The following PAPSS2 variants were observed in gnomAD, a reference collection of about 807,000 sequenced individuals.
The protein encoded by PAPSS2 is 3'-phosphoadenosine 5'-phosphosulfate synthase 2, also known as bifunctional 3'-phosphoadenosine 5'-phosphosulfate synthase 2.
In PAPSS2, 61 loss-of-function variants were observed where a neutral mutation model predicts 66.5. That is an observed-to-expected ratio of 0.92 (90% CI 0.75 to 1.14). The LOEUF (loss-of-function observed/expected upper bound fraction) is 1.14. Among genes scored for constraint, PAPSS2 ranks in the 50% most tolerant of loss-of-function variants. The pLI is 0.00. For synonymous variants in PAPSS2, 289 were observed against 287.5 expected (o/e 1.01, Z -0.05); for missense variants, 708 against 789.6 (o/e 0.90, Z 1.24).
chr10:87,705,214 C>A (rs1433144375), intron 1 of PAPSS2, among the ~76,000 whole-genome samples: 1 of 152,144 alleles, frequency 6.6e-6, no homozygotes, highest in East Asian at 1.9e-4. Flanking sequence ...TTTGACTCAG[C>A]CTAATGTTTT....
At chr10:87,681,774 T>G (rs1331282251) in intron 1 of PAPSS2, among the ~76,000 whole-genome samples, 3 of 152,360 alleles carry the variant, frequency 2.0e-5, no homozygotes, top group African/African-American at 7.2e-5. Flanking sequence ...TTTTGGATGT[T>G]TCTTATAAAT....
At chr10:87,721,084 C>T (rs1279029521) in intron 7 of PAPSS2, among the ~76,000 whole-genome samples, 2 of 152,146 alleles carry the variant, frequency 1.3e-5, no homozygotes, top group African/African-American at 2.4e-5. Context: ...ATATCACCAG[C>T]ACTTATTGAG....
At chr10:87,675,374 A>G in intron 1 of PAPSS2, among the ~76,000 whole-genome samples, 1 of 152,250 alleles carries the variant, frequency 6.6e-6, no homozygotes, top group Non-Finnish European at 1.5e-5. Context: ...TGAATTTTCA[A>G]AACTTGGTAT....
At chr10:87,743,280 A>G in intron 10 of PAPSS2, 93 bp from the exon 11 acceptor site, 1 of 1,351,884 alleles carries the variant, frequency 7.4e-7, no homozygotes, top group East Asian at 2.3e-5. Flanking sequence ...ATGAATGCAC[A>G]GAACAATAAA....
intron 1 of PAPSS2, among the ~76,000 whole-genome samples, chr10:87,686,755 C>T (rs1853094652): frequency 6.6e-6 from 1 of 152,162 alleles, no homozygotes; most frequent in African/African-American, 2.4e-5. Context: ...TAAACCATCC[C>T]TTCTGATTAA....
chr10:87,733,399 C>A (rs961861392), intron 9 of PAPSS2, among the ~76,000 whole-genome samples: 17 of 152,056 alleles, frequency 1.1e-4, no homozygotes, highest in African/African-American at 4.1e-4. Context: ...TCCATGGCTC[C>A]CAGAGATTTG....
At chr10:87,710,474 A>G (rs1853450146) in intron 2 of PAPSS2, among the ~76,000 whole-genome samples, 1 of 152,166 alleles carries the variant, frequency 6.6e-6, no homozygotes, top group East Asian at 1.9e-4. Context: ...GTACAGCTGT[A>G]TTCTAGAAGA....
At chr10:87,704,160 TTGAC>T (rs1853353244) in intron 1 of PAPSS2, 1 of 401,396 alleles carries the variant, frequency 2.5e-6, no homozygotes, top group East Asian at 7.1e-5. Context: ...AATAAAATAT[TTGAC>T]TGAACCAAAA....
intron 2 of PAPSS2, among the ~76,000 whole-genome samples, chr10:87,712,408 T>G (rs1314072662): frequency 6.6e-6 from 1 of 152,198 alleles, no homozygotes; most frequent in Admixed American, 6.5e-5. Context: ...TCACCACATC[T>G]TTTGATTTTT....
At chr10:87,706,104 ATATATGTG>A (rs1423113734) in intron 1 of PAPSS2, among the ~76,000 whole-genome samples, 12 of 78,074 alleles carry the variant, frequency 1.5e-4, no homozygotes, top group African/African-American at 7.7e-4. Flanking sequence ...ATATATATAT[ATATATGTG>A]TGTGTGTGTG....
intron 3 of PAPSS2, 125 bp from the exon 4 acceptor site, chr10:87,713,919 C>A: frequency 1.0e-6 from 1 of 953,782 alleles, no homozygotes; most frequent in Non-Finnish European, 1.7e-6. Context: ...TTCTCTCAAG[C>A]ACTCTGCAAA....
intron 1 of PAPSS2, chr10:87,660,366 A>G (rs1186416081): frequency 9.1e-6 from 4 of 439,994 alleles, no homozygotes; most frequent in East Asian, 4.5e-5. Context: ...TTTCTTCTGT[A>G]GGGTCTCGGA....
intron 1 of PAPSS2, among the ~76,000 whole-genome samples, chr10:87,686,813 T>G (rs1226028534): frequency 6.6e-6 from 1 of 152,148 alleles, no homozygotes; most frequent in Non-Finnish European, 1.5e-5. Flanking sequence ...TAAACAGAAT[T>G]TTTATAAATG....
chr10:87,689,841 G>T (rs1853147484), intron 1 of PAPSS2, among the ~76,000 whole-genome samples: 1 of 152,070 alleles, frequency 6.6e-6, no homozygotes, highest in South Asian at 2.1e-4. Context: ...CATAATAAAA[G>T]GTGTAAGGTG....
At position 87,721,784 on chromosome 10, in the gene PAPSS2, C is replaced by T; in HGVS notation, c.880+14C>T. The T allele has an allele frequency of 2.8e-6, 4 of 1,434,098 alleles. No homozygotes were observed. The highest frequency in any genetic ancestry group is 3.8e-6 in the Non-Finnish European group (4 of 1,048,138). 88.8% of individuals were successfully genotyped at this position (1,434,098 alleles called of 1,614,324 possible). On this transcript the variant is annotated intron_variant, in intron 8 of 12. Transcript: ENST00000456849. ...TGGCCCTTCCTGGTATGTACTTTAA[C>T]TTTCCAAGTAGCTAAATTATTATAA...
chr10:87,660,090 G>A (rs974686849), intron 1 of PAPSS2, 82 bp downstream of exon 1: 37 of 1,423,752 alleles, frequency 2.6e-5, no homozygotes, highest in Non-Finnish European at 3.3e-5. Flanking sequence ...CGGCACTTGG[G>A]TCCCACCCTC....
chr10:87,698,059 T>C (rs1853256902), intron 1 of PAPSS2, among the ~76,000 whole-genome samples: 1 of 152,254 alleles, frequency 6.6e-6, no homozygotes, highest in Non-Finnish European at 1.5e-5. Flanking sequence ...TAAAAAGTCA[T>C]GCGGAATTTT....
intron 1 of PAPSS2, among the ~76,000 whole-genome samples, chr10:87,673,459 C>G (rs1852904486): frequency 6.6e-6 from 1 of 151,938 alleles, no homozygotes; most frequent in South Asian, 2.1e-4. Flanking sequence ...CTGTGCCAGC[C>G]TGGGATTTTC....
chr10:87,721,914 A>T, intron 8 of PAPSS2, 144 bp downstream of exon 8: 1 of 573,804 alleles, frequency 1.7e-6, no homozygotes, highest in South Asian at 2.6e-5. Context: ...CAGCTATAGT[A>T]GAATAACACT....
Sources: gnomAD v4.1 joint callset for allele counts (sites outside exome capture counted in the v4.1 genomes callset) on GRCh38, gnomAD v4.1.1 for gene constraint, MANE v1.5 for transcripts, NCBI Gene and HGNC (gene_info 2026-07-23, HGNC 2026-07-21) for gene names.